PHKB: variants seen among roughly 807,000 people sequenced by gnomAD.
The protein encoded by PHKB is phosphorylase b kinase regulatory subunit beta.
A neutral mutation model predicts 152.1 loss-of-function variants in PHKB; 122 were observed. That is an observed-to-expected ratio of 0.80 (90% CI 0.69 to 0.93). The LOEUF is 0.93. Among genes scored for constraint, PHKB ranks in the 40% least tolerant of loss-of-function variants. PHKB has a pLI of 0.00. For missense variants in PHKB, 1,304 were observed against 1,328.4 expected (o/e 0.98, Z 0.29); for synonymous variants, 436 against 464.9 (o/e 0.94, Z 0.80).
rs1376841454 is a variant in PHKB, at chr16:47,494,920, GTTAA to G, written c.77-2476_77-2473del. Among the ~76,000 whole-genome samples, 3 of 152,222 alleles carry G rather than the reference GTTAA, an allele frequency of 2.0e-5. No individual in the cohort carries two copies. In the South Asian group the frequency reaches 6.2e-4, roughly 32 times the overall value. On this transcript the variant is annotated intron_variant, in intron 1 of 30. Coordinates refer to ENST00000323584, the MANE Select transcript of PHKB (RefSeq NM_000293.3). ...ACCATAAATTGTGTAGAACATCCTTGTTAATTGTGTAGAACATCCTTGTTTAATT... is the reference window on the plus strand; with the variant it reads ...ACCATAAATTGTGTAGAACATCCTTGTTGTGTAGAACATCCTTGTTTAATT...
chr16:47,594,596 C>T (rs932861972), intron 12 of PHKB, among the ~76,000 whole-genome samples: 2 of 152,128 alleles, frequency 1.3e-5, no homozygotes, highest in Non-Finnish European at 2.9e-5. Flanking sequence ...CTAGAATTGC[C>T]GAGAATATTC....
chr16:47,687,168 T>C (rs1282172937), intron 26 of PHKB, among the ~76,000 whole-genome samples: 1 of 152,108 alleles, frequency 6.6e-6, no homozygotes, highest in Non-Finnish European at 1.5e-5. Flanking sequence ...AAGTTTTAAA[T>C]CTAAGTAAAG....
rs533109620 is a variant in PHKB, at chr16:47,483,629, T to C, written c.77-13770T>C. Reference sequence around the variant, plus strand: ...GGTCAAATCGTTTTTTAATCATCTTTTTATATCATTCCCATCTCCGTTTAT... The same window carrying C: ...GGTCAAATCGTTTTTTAATCATCTTCTTATATCATTCCCATCTCCGTTTAT... On this transcript the variant is annotated intron_variant, in intron 1 of 30. Coordinates refer to ENST00000323584, the MANE Select transcript of PHKB (RefSeq NM_000293.3). Among the ~76,000 whole-genome samples, 83 of 152,316 alleles carry C rather than the reference T, an allele frequency of 5.4e-4. 3 individuals are homozygous for C. In the South Asian group the frequency reaches 0.017, roughly 30 times the overall value.
intron 6 of PHKB, among the ~76,000 whole-genome samples, chr16:47,544,700 C>G (rs1241810209): frequency 6.6e-6 from 1 of 152,052 alleles, no homozygotes; most frequent in African/African-American, 2.4e-5. Flanking sequence ...TTAAAGTCTC[C>G]CATTATTATT....
intron 29 of PHKB, among the ~76,000 whole-genome samples, chr16:47,697,458 G>C (rs1340692992): frequency 1.3e-5 from 2 of 152,216 alleles, no homozygotes; most frequent in Admixed American, 6.5e-5. Context: ...AGTAGACATA[G>C]AGATCCTTCT....
At chr16:47,522,414 G>A (rs1475103642) in intron 6 of PHKB, among the ~76,000 whole-genome samples, 2 of 151,740 alleles carry the variant, frequency 1.3e-5, no homozygotes, top group African/African-American at 2.4e-5. Flanking sequence ...TCCTTTAATA[G>A]TTTGAGTCTT....
intron 13 of PHKB, among the ~76,000 whole-genome samples, chr16:47,602,414 TTTTTCCTGTAGAAA>T (rs1216133480): frequency 6.6e-6 from 1 of 152,180 alleles, no homozygotes; most frequent in East Asian, 1.9e-4. Context: ...AGCCAATTTA[TTTTTCCTGTAGAAA>T]TTATATTTTA....
At chr16:47,545,155 T>G (rs1478999856) in intron 6 of PHKB, among the ~76,000 whole-genome samples, 1 of 152,234 alleles carries the variant, frequency 6.6e-6, no homozygotes, top group Admixed American at 6.5e-5. Context: ...GCTGGTTATT[T>G]TGCCTGTTAA....
At chr16:47,544,338 G>A (rs1179982569) in intron 6 of PHKB, among the ~76,000 whole-genome samples, 4 of 152,156 alleles carry the variant, frequency 2.6e-5, no homozygotes, top group South Asian at 2.1e-4. Context: ...CCTTCATTTC[G>A]TTATGTACCC....
chr16:47,593,209 G>C (rs1028284026), intron 10 of PHKB, among the ~76,000 whole-genome samples: 1 of 130,368 alleles, frequency 7.7e-6, no homozygotes, highest in African/African-American at 2.8e-5. Context: ...GAGAGAGGGA[G>C]AAAGAAAGAA....
Position 47,699,540 on chromosome 16 carries a change from A to G in PHKB, c.*174A>G. The G allele has an allele frequency of 1.4e-6, 1 of 735,212 alleles. No individual in the cohort carries two copies. The highest frequency in any genetic ancestry group is 2.5e-5 in the East Asian group (1 of 39,630). 45.5% of individuals were successfully genotyped at this position (735,212 alleles called of 1,614,324 possible). On this transcript the variant is annotated 3_prime_UTR_variant, in exon 31 of 31. Coordinates refer to ENST00000323584, the MANE Select transcript of PHKB (RefSeq NM_000293.3). ...GCATGTCATAGCCAATCTAACGGTA[A>G]TGGTAAATGCTTTTAATCAAGCAGG...
In PHKB at chr16:47,547,551, A is replaced by G. The variant is rs377718212; in HGVS notation, c.710+3A>G. 8.5e-6 allele frequency: 13 copies of G among 1,533,824 alleles called. No individual in the cohort carries two copies. The African/African-American group carries it at 1.1e-4, about 13-fold the overall frequency. ...GGCAGCACAGAGCTACATTCGAGGT[A>G]ATTTGCTGATTTCTGAGGTTTTTTT... On this transcript the variant is annotated splice_donor_region_variant and intron_variant, in intron 7 of 30. Transcript: ENST00000323584.
Position 47,699,395 on chromosome 16 carries a change from A to G in PHKB, c.*29A>G. The G allele has an allele frequency of 6.2e-7, 1 of 1,612,944 alleles. No individual in the cohort carries two copies. Among genetic ancestry groups the G allele is most frequent in the Non-Finnish European group, 8.5e-7 (1 of 1,178,894 alleles). On this transcript the variant is annotated 3_prime_UTR_variant, in exon 31 of 31. Transcript: ENST00000323584. Reference sequence around the variant, plus strand: ...GGAAGGTGTAGGAAGCTCTGTTGAGACACATGTTCTGAAGTGTGTTGTGTT... The same window carrying G: ...GGAAGGTGTAGGAAGCTCTGTTGAGGCACATGTTCTGAAGTGTGTTGTGTT...
intron 7 of PHKB, among the ~76,000 whole-genome samples, chr16:47,575,752 A>G (rs1971737925): frequency 6.6e-6 from 1 of 152,118 alleles, no homozygotes; most frequent in Non-Finnish European, 1.5e-5. Flanking sequence ...TACTTAATAG[A>G]TACAATGAAC....
At chr16:47,613,328 C>T (rs1161149874) in intron 14 of PHKB, among the ~76,000 whole-genome samples, 1 of 152,200 alleles carries the variant, frequency 6.6e-6, no homozygotes, top group Non-Finnish European at 1.5e-5. Context: ...GATGCTCTTA[C>T]TTACTGTAGT....
chr16:47,641,336 A>G (rs1295271057), intron 15 of PHKB, among the ~76,000 whole-genome samples: 5 of 152,164 alleles, frequency 3.3e-5, no homozygotes, highest in Admixed American at 2.0e-4. Flanking sequence ...CCTGGGTTGT[A>G]GTTTCGAGAA....
chr16:47,632,701 A>T (rs1238622879), intron 14 of PHKB, among the ~76,000 whole-genome samples: 1 of 152,178 alleles, frequency 6.6e-6, no homozygotes, highest in African/African-American at 2.4e-5. Context: ...CTGTTGAAAA[A>T]ATTAAATTAG....
chr16:47,671,379 C>T (rs886842504), intron 26 of PHKB, among the ~76,000 whole-genome samples: 4 of 152,084 alleles, frequency 2.6e-5, no homozygotes, highest in African/African-American at 4.8e-5. Context: ...TTTAAATATA[C>T]AGTACAGTAG....
At position 47,502,986 on chromosome 16, in the gene PHKB, C is replaced by T; in HGVS notation, c.306-5C>T. 1 of 1,599,098 alleles carries T rather than the reference C, an allele frequency of 6.3e-7. No homozygotes were observed. Among genetic ancestry groups the T allele is most frequent in the Non-Finnish European group, 8.6e-7 (1 of 1,166,382 alleles). On this transcript the variant is annotated splice_polypyrimidine_tract_variant and splice_region_variant and intron_variant, in intron 3 of 30. Coordinates refer to ENST00000323584, the MANE Select transcript of PHKB (RefSeq NM_000293.3). ...TTAGTTTCATGAGTTATCTCTCTCA[C>T]CCAGGCGAATTGATGATGACAAGGG...
Sources: allele counts gnomAD v4.1 joint callset (sites outside exome capture counted in the v4.1 genomes callset), GRCh38; gene constraint gnomAD v4.1.1; transcripts MANE v1.5; gene names NCBI Gene and HGNC (gene_info 2026-07-23, HGNC 2026-07-21).